GLI2: variants seen among roughly 807,000 people sequenced by gnomAD.
The protein encoded by GLI2 is GLI family zinc finger 2, also known as transcription activator GLI2.
GLI2 carries 22 observed loss-of-function variants against 78.9 expected under a neutral mutation model. The ratio of observed to expected loss-of-function variants is 0.28; its 90% CI spans 0.20 to 0.40. The LOEUF (loss-of-function observed/expected upper bound fraction) is 0.40. Among genes scored for constraint, GLI2 ranks in the 10% least tolerant of loss-of-function variants. The pLI, the probability that GLI2 is intolerant of heterozygous loss-of-function variation, is 1.00. For synonymous variants in GLI2, 974 were observed against 963.7 expected (o/e 1.01, Z -0.20); for missense variants, 2,097 against 2,213.2 (o/e 0.95, Z 1.05).
At chr2:120,797,494 G>A (rs1321330012) in intron 2 of GLI2, 26 bp downstream of exon 2, 7 of 1,606,936 alleles carry the variant, frequency 4.4e-6, no homozygotes, top group South Asian at 2.2e-5. Flanking sequence ...CACACTTGGA[G>A]GGCAGCAGGG....
At chr2:120,764,220 G>A (rs539774884) in intron 1 of GLI2, among the ~76,000 whole-genome samples, 14 of 152,350 alleles carry the variant, frequency 9.2e-5, no homozygotes, top group African/African-American at 3.4e-4. Context: ...TGGCGGGCTC[G>A]TGGCGCAGCC....
chr2:120,737,710 C>A lies in GLI2; in HGVS notation c.-31+1425C>A, dbSNP rs2104616402. The stretch of plus-strand genomic sequence containing the variant: ...AGATAAAGGGAGCAGTTGTAAAACG[C>A]TCATAGGCTGTTTGCAGACGAGGCT... On this transcript the variant is annotated intron_variant, in intron 1 of 13. Transcript: ENST00000361492. The surrounding 1 kb of genome is among the most constrained non-coding windows in gnomAD (Gnocchi z 4.3). Among the ~76,000 whole-genome samples the A allele has an allele frequency of 6.6e-6, 1 of 152,324 alleles. No homozygotes were observed. Among genetic ancestry groups the A allele is most frequent in the East Asian group, 1.9e-4 (1 of 5,182 alleles).
At chr2:120,833,028 A>T (rs1686439949) in intron 2 of GLI2, among the ~76,000 whole-genome samples, 2 of 152,036 alleles carry the variant, frequency 1.3e-5, no homozygotes, top group Admixed American at 1.3e-4. Flanking sequence ...GAGCCCAGGG[A>T]CATGGCTGCC....
chr2:120,874,565 G>A (rs1486846778), intron 2 of GLI2, among the ~76,000 whole-genome samples: 1 of 152,184 alleles, frequency 6.6e-6, no homozygotes, highest in African/African-American at 2.4e-5. Context: ...ACAGGCCGGC[G>A]TTGAATGTCT....
At position 120,866,420 on chromosome 2, in the gene GLI2, G is replaced by C. The variant is rs542006145; in HGVS notation, c.149-60941G>C. The C allele has an allele frequency of 2.0e-5, 3 of 152,388 alleles. No individual in the cohort carries two copies. In the South Asian group the frequency reaches 6.2e-4, roughly 32 times the overall value. The allele number at this position is 152,388 out of a possible 1,614,324, so 9.4% of individuals were successfully genotyped here. A position where few individuals can be genotyped will look rare whatever the true frequency, so the allele number is the denominator to read the frequency against. ...TAATGTCAAATGTCTTGTACTTAAT[G>C]GTAATCCCATTGCTTAAGGTAAGAT... On this transcript the variant is annotated intron_variant, in intron 2 of 13. Coordinates refer to ENST00000361492, the MANE Select transcript of GLI2 (RefSeq NM_001374353.1).
chr2:120,861,109 C>T (rs1424583681), intron 2 of GLI2, among the ~76,000 whole-genome samples: 1 of 152,148 alleles, frequency 6.6e-6, no homozygotes, highest in African/African-American at 2.4e-5. Flanking sequence ...ATGATTAGAG[C>T]CCATTTACCC....
intron 2 of GLI2, among the ~76,000 whole-genome samples, chr2:120,889,050 A>G (rs1677552748): frequency 6.6e-6 from 1 of 152,232 alleles, no homozygotes; most frequent in Non-Finnish European, 1.5e-5. Flanking sequence ...CCCTCCAGCA[A>G]GGGTGATGGG....
intron 1 of GLI2, among the ~76,000 whole-genome samples, chr2:120,787,976 TCTTGGA>T (rs1684044836): frequency 6.6e-6 from 1 of 152,192 alleles, no homozygotes; most frequent in Non-Finnish European, 1.5e-5. Flanking sequence ...TCGTGTCAAT[TCTTGGA>T]CAGAGCCTTC....
chr2:120,793,063 A>G (rs1414192644), intron 1 of GLI2, among the ~76,000 whole-genome samples: 1 of 152,200 alleles, frequency 6.6e-6, no homozygotes, highest in Non-Finnish European at 1.5e-5. Context: ...GACTTGGGGA[A>G]TCACAATCTC....
At chr2:120,911,484 G>A (rs956294252) in intron 2 of GLI2, among the ~76,000 whole-genome samples, 5 of 152,228 alleles carry the variant, frequency 3.3e-5, no homozygotes, top group Middle Eastern at 3.4e-3. Flanking sequence ...CTCCTACTGC[G>A]GCCCCGAGCA....
chr2:120,739,786 G>A (rs1407052828), intron 1 of GLI2, among the ~76,000 whole-genome samples: 1 of 152,230 alleles, frequency 6.6e-6, no homozygotes, highest in Non-Finnish European at 1.5e-5. Flanking sequence ...GAGAAACAGT[G>A]TTTTCAGATT....
intron 1 of GLI2, among the ~76,000 whole-genome samples, chr2:120,768,330 G>A (rs1338375961): frequency 6.6e-6 from 1 of 152,226 alleles, no homozygotes; most frequent in African/African-American, 2.4e-5. Context: ...TCAGAGCTGG[G>A]GTTCCTGGCG....
At chr2:120,833,976 G>A (rs1686485873) in intron 2 of GLI2, among the ~76,000 whole-genome samples, 1 of 152,170 alleles carries the variant, frequency 6.6e-6, no homozygotes, top group Non-Finnish European at 1.5e-5. Flanking sequence ...AGAGCTCACA[G>A]CACACTGGCC....
intron 2 of GLI2, among the ~76,000 whole-genome samples, chr2:120,804,761 C>T (rs1448363558): frequency 2.6e-5 from 4 of 152,144 alleles, no homozygotes; most frequent in Non-Finnish European, 5.9e-5. Flanking sequence ...ACCCAGGAAG[C>T]GGGGTGCAGG....
At chr2:120,744,621 T>TC (rs1682645074) in intron 1 of GLI2, among the ~76,000 whole-genome samples, 1 of 152,248 alleles carries the variant, frequency 6.6e-6, no homozygotes, top group Non-Finnish European at 1.5e-5. Context: ...CATGTATATT[T>TC]ATGCTGATAG....
At chr2:120,864,454 C>T (rs1688035146) in intron 2 of GLI2, among the ~76,000 whole-genome samples, 1 of 152,078 alleles carries the variant, frequency 6.6e-6, no homozygotes, top group East Asian at 1.9e-4. Context: ...AGTGGGCTTG[C>T]CAGAGGCACT....
At chr2:120,885,632 C>A (rs1677358931) in intron 2 of GLI2, among the ~76,000 whole-genome samples, 1 of 152,206 alleles carries the variant, frequency 6.6e-6, no homozygotes, top group South Asian at 2.1e-4. Context: ...ACACACAGGG[C>A]CCTTGAGGCA....
intron 6 of GLI2, among the ~76,000 whole-genome samples, chr2:120,969,558 C>CG (rs1558924151): frequency 6.6e-6 from 1 of 152,244 alleles, no homozygotes; most frequent in African/African-American, 2.4e-5. Context: ...ATTGCTCCAA[C>CG]GCATAGCAGT....
At chr2:120,749,564 C>T (rs1682803274) in intron 1 of GLI2, among the ~76,000 whole-genome samples, 1 of 152,166 alleles carries the variant, frequency 6.6e-6, no homozygotes, top group South Asian at 2.1e-4. Context: ...AACATGAGAC[C>T]TCAGGCGGCA....
Sources: gnomAD v4.1 joint callset for allele counts (sites outside exome capture counted in the v4.1 genomes callset) on GRCh38, gnomAD v4.1.1 for gene constraint, Gnocchi (gnomAD v3.1) non-coding constraint, MANE v1.5 for transcripts, NCBI Gene and HGNC (gene_info 2026-07-23, HGNC 2026-07-21) for gene names.